The following BICRA variants were observed in gnomAD, a reference collection of about 807,000 sequenced individuals.
BICRA encodes the protein BRD4 interacting chromatin remodeling complex associated protein.
In BICRA, 31 loss-of-function variants were observed where a neutral mutation model predicts 96.9. That is an observed-to-expected ratio of 0.32 (90% CI 0.24 to 0.43). The LOEUF (loss-of-function observed/expected upper bound fraction) is 0.43. Among genes scored for constraint, BICRA ranks in the 20% least tolerant of loss-of-function variants. BICRA has a pLI of 1.00. For missense variants in BICRA, 2,283 were observed against 2,190.3 expected (o/e 1.04, Z -0.84); for synonymous variants, 1,350 against 1,071.8 (o/e 1.26, Z -5.07).
At chr19:47,623,834 T>TTC (rs912739990) in intron 1 of BICRA, among the ~76,000 whole-genome samples, 3 of 150,178 alleles carry the variant, frequency 2.0e-5, no homozygotes, top group African/African-American at 7.3e-5. Flanking sequence ...GAAGTGTTCT[T>TTC]TCTCTCTCTC....
At chr19:47,695,221 C>T (rs2123607754) in intron 9 of BICRA, 141 bp downstream of exon 9, 1 of 765,174 alleles carries the variant, frequency 1.3e-6, no homozygotes. Context: ...ACAGGAAGGC[C>T]AGAGGTGGCA....
At chr19:47,662,919 C>G (rs968941092) in intron 1 of BICRA, 3 of 152,210 alleles carry the variant, frequency 2.0e-5, no homozygotes, top group Non-Finnish European at 2.9e-5. Context: ...CAGTGACCCA[C>G]AAAGAACAGC....
At chr19:47,666,140 G>C (rs1972775351) in intron 1 of BICRA, among the ~76,000 whole-genome samples, 1 of 152,222 alleles carries the variant, frequency 6.6e-6, no homozygotes, top group Non-Finnish European at 1.5e-5. Flanking sequence ...GAGGGGATAA[G>C]TAACTTGTCT....
Position 47,694,476 on chromosome 19 carries a change from C to CAA in BICRA, c.2645_2646insAA (p.Ser883ThrfsTer65). 1.9e-6 allele frequency: 2 copies of CAA among 1,070,106 alleles called. No homozygotes were observed. The highest frequency in any genetic ancestry group is 2.8e-6 in the Non-Finnish European group (2 of 708,750). 66.3% of individuals were successfully genotyped at this position (1,070,106 alleles called of 1,614,324 possible). A position where few individuals can be genotyped will look rare whatever the true frequency, so the allele number is the denominator to read the frequency against. On this transcript the variant is annotated frameshift_variant, in exon 8 of 15. Transcript: ENST00000594866. LOFTEE classifies it high-confidence loss of function. ...CCCCCAGCCCCCCACCTCCCTCCATCCTCCACCTCCTCTGCTGTGGCCTCC... is the reference window on the plus strand; with the variant it reads ...CCCCCAGCCCCCCACCTCCCTCCATCAACTCCACCTCCTCTGCTGTGGCCTCC...
intron 1 of BICRA, among the ~76,000 whole-genome samples, chr19:47,632,643 A>G (rs1972237806): frequency 1.3e-5 from 2 of 152,146 alleles, no homozygotes; most frequent in South Asian, 2.1e-4. Context: ...GAGGGGTCAA[A>G]TAATAGTACC....
rs1973009147 is a variant in BICRA, at chr19:47,680,062, G to A, written c.892G>A (p.Ala298Thr). ...VIQKNLSAAV[A>T]TTLNGNSVFG... ...CCAGAAGAACCTCTCGGCCGCTGTGGCCACCACGCTCAATGGGAACTCTGT... is the reference window on the plus strand; with the variant it reads ...CCAGAAGAACCTCTCGGCCGCTGTGACCACCACGCTCAATGGGAACTCTGT... Residue 298 changes from alanine to threonine, a missense_variant, in exon 6 of 15, where the codon GCC (alanine) becomes ACC (threonine). Coordinates refer to ENST00000594866, the MANE Select transcript of BICRA (RefSeq NM_001394372.1). 1 of 1,562,038 alleles carries A rather than the reference G, an allele frequency of 6.4e-7. No homozygotes were observed. Among genetic ancestry groups the A allele is most frequent in the Non-Finnish European group, 8.6e-7 (1 of 1,164,768 alleles).
intron 1 of BICRA, among the ~76,000 whole-genome samples, chr19:47,664,090 T>C (rs1214371534): frequency 1.3e-5 from 2 of 152,194 alleles, no homozygotes; most frequent in Non-Finnish European, 2.9e-5. Flanking sequence ...AATGGTGTTT[T>C]GAAAAGCAAC....
intron 1 of BICRA, among the ~76,000 whole-genome samples, chr19:47,660,590 G>A (rs16972354): frequency 6.6e-6 from 1 of 152,296 alleles, no homozygotes; most frequent in African/African-American, 2.4e-5. Flanking sequence ...CACCTCATTT[G>A]TCTGTCTGAC....
At chr19:47,656,219 A>T (rs1014846409) in intron 1 of BICRA, among the ~76,000 whole-genome samples, 15 of 151,810 alleles carry the variant, frequency 9.9e-5, no homozygotes, top group African/African-American at 3.6e-4. Flanking sequence ...TTTTCACACC[A>T]CTGCACCCCA....
At chr19:47,624,555 G>A (rs190691417) in intron 1 of BICRA, among the ~76,000 whole-genome samples, 2 of 152,288 alleles carry the variant, frequency 1.3e-5, no homozygotes, top group East Asian at 3.9e-4. Flanking sequence ...CTGACATGAA[G>A]TGAGCTTGTG....
chr19:47,646,556 A>G (rs573897438), intron 1 of BICRA, among the ~76,000 whole-genome samples: 1 of 152,192 alleles, frequency 6.6e-6, no homozygotes, highest in South Asian at 2.1e-4. Flanking sequence ...TATTCCTGAG[A>G]GTACTTCCCG....
chr19:47,659,324 C>T (rs1007951532), intron 1 of BICRA, among the ~76,000 whole-genome samples: 1 of 146,926 alleles, frequency 6.8e-6, no homozygotes, highest in African/African-American at 2.5e-5. Flanking sequence ...TCAAATTGCT[C>T]TTTCTCTGTC....
rs1316395464 is a variant in BICRA, at chr19:47,681,055, C to T, written c.1885C>T (p.Pro629Ser). The T allele has an allele frequency of 4.3e-6, 6 of 1,411,022 alleles. No homozygotes were observed. The highest frequency in any genetic ancestry group is 5.5e-6 in the Non-Finnish European group (6 of 1,089,710). The allele number at this position is 1,411,022 out of a possible 1,614,324, so 87.4% of individuals were successfully genotyped here. Reference protein sequence around the residue: ...LTVQPAPQAPPAVSTPLPLGL... With the variant: ...LTVQPAPQAPSAVSTPLPLGL... ...GGTGCAGCCTGCCCCCCAGGCGCCC[C>T]CCGCGGTCAGCACACCCCTGCCCCT... is the stretch of plus-strand genomic sequence containing the variant. The change falls in exon 6 of 15, where the codon CCC (proline) becomes TCC (serine). Residue 629 changes from proline to serine, a missense_variant. Transcript: ENST00000594866.
Position 47,682,058 on chromosome 19 carries a change from C to A in BICRA, c.2189C>A (p.Ala730Asp). The A allele has an allele frequency of 6.5e-7, 1 of 1,539,718 alleles. No homozygotes were observed. Among genetic ancestry groups the A allele is most frequent in the South Asian group, 1.2e-5 (1 of 84,990 alleles). Residue 730 changes from alanine to aspartate, a missense_variant, in exon 7 of 15, where the codon GCC becomes GAC. By Grantham distance (126) the Ala-to-Asp change is moderately radical (BLOSUM62 -2). Coordinates refer to ENST00000594866, the MANE Select transcript of BICRA (RefSeq NM_001394372.1). ...GTCATAGTCAGCGCCCCGCCTCCCG[C>A]CCAAGACCCAGCCCCAGCCACCCCC... The part of the protein sequence containing the change: ...ASVIVSAPPP[A>D]QDPAPATPVA...
At chr19:47,642,090 A>T (rs1025297945) in intron 1 of BICRA, among the ~76,000 whole-genome samples, 1 of 152,246 alleles carries the variant, frequency 6.6e-6, no homozygotes, top group South Asian at 2.1e-4. Flanking sequence ...TTTGACATAA[A>T]TAGAATCACA....
rs764891224 is a variant in BICRA, at chr19:47,682,020, C to T, written c.2151C>T (p.Ser717=). Residue 717 remains serine, a synonymous_variant, in exon 7 of 15, where the codon TCC becomes TCT. Transcript: ENST00000594866. ...QPLSAEGPHL[S]VPASVIVSAP... ...TCTCCGCAGAGGGCCCCCACCTCTC[C>T]GTGCCTGCCTCGGTCATAGTCAGCG... is the stretch of plus-strand genomic sequence containing the variant. The T allele has an allele frequency of 2.9e-5, 45 of 1,571,632 alleles. No individual in the cohort carries two copies. Among genetic ancestry groups the T allele is most frequent in the African/African-American group, 2.0e-4 (15 of 73,878 alleles).
intron 10 of BICRA, 82 bp from the exon 11 acceptor site, chr19:47,696,369 T>C: frequency 7.5e-7 from 1 of 1,325,570 alleles, no homozygotes; most frequent in Non-Finnish European, 1.1e-6. Context: ...GTCCCGTCTT[T>C]ATCCTAGGCT....
intron 1 of BICRA, among the ~76,000 whole-genome samples, chr19:47,620,532 G>T (rs993127868): frequency 6.6e-6 from 1 of 151,864 alleles, no homozygotes; most frequent in East Asian, 1.9e-4. Flanking sequence ...GCCGAGCATG[G>T]TGGTGCATGC....
intron 7 of BICRA, among the ~76,000 whole-genome samples, chr19:47,689,445 C>T (rs985317666): frequency 1.3e-5 from 2 of 152,140 alleles, no homozygotes; most frequent in South Asian, 4.2e-4. Context: ...GAGTCTCTCT[C>T]TGTCGCCCAG....
Sources: gnomAD v4.1 joint callset for allele counts (sites outside exome capture counted in the v4.1 genomes callset) on GRCh38, gnomAD v4.1.1 for gene constraint, MANE v1.5 for transcripts, NCBI Gene and HGNC (gene_info 2026-07-23, HGNC 2026-07-21) for gene names.